The following WDPCP variants were observed in gnomAD, a reference collection of about 807,000 sequenced individuals.
WDPCP encodes WD repeat-containing and planar cell polarity effector protein fritz homolog.
In WDPCP, 71 loss-of-function variants were observed where a neutral mutation model predicts 93.1. That is an observed-to-expected ratio of 0.76 (90% CI 0.63 to 0.93). The LOEUF is 0.93. WDPCP is among the 40% of genes least tolerant of loss of function. The pLI is 0.00. For synonymous variants in WDPCP, 315 were observed against 315.0 expected (o/e 1.00, Z 0.00); for missense variants, 844 against 887.4 (o/e 0.95, Z 0.62).
intron 2 of WDPCP, among the ~76,000 whole-genome samples, chr2:63,654,993 C>A (rs567173864): frequency 6.6e-6 from 1 of 152,254 alleles, no homozygotes; most frequent in African/African-American, 2.4e-5. Flanking sequence ...AATATTCAGC[C>A]CCATTCTAGT....
intron 2 of WDPCP, among the ~76,000 whole-genome samples, chr2:63,808,690 T>C (rs1670809918): frequency 6.6e-6 from 1 of 152,172 alleles, no homozygotes; most frequent in Admixed American, 6.5e-5. Flanking sequence ...CTCGGCTCGC[T>C]ACAACCTCCA....
intron 2 of WDPCP, among the ~76,000 whole-genome samples, chr2:63,789,947 T>G (rs146465922): frequency 6.6e-6 from 1 of 152,210 alleles, no homozygotes; most frequent in Admixed American, 6.5e-5. Context: ...TGAATTAGCA[T>G]GTGAATTGTG....
intron 14 of WDPCP, among the ~76,000 whole-genome samples, chr2:63,186,169 A>G (rs1169466409): frequency 6.6e-6 from 1 of 152,322 alleles, no homozygotes; most frequent in Admixed American, 6.5e-5. Flanking sequence ...CACTCAGGAA[A>G]GTCAGTGCAG....
intron 14 of WDPCP, among the ~76,000 whole-genome samples, chr2:63,227,628 C>T (rs1242422857): frequency 6.6e-6 from 1 of 152,008 alleles, no homozygotes; most frequent in Non-Finnish European, 1.5e-5. Context: ...TGTAGTCAAA[C>T]AGGCATGGTT....
At chr2:63,830,718 G>A (rs553287084), upstream of WDPCP, among the ~76,000 whole-genome samples, 126 of 152,152 alleles carry the variant, frequency 8.3e-4, 1 homozygote, top group South Asian at 0.025. Context: ...TATAGCACAC[G>A]TTATCCTGGT....
At chr2:63,453,448 G>A (rs953663889) in intron 6 of WDPCP, among the ~76,000 whole-genome samples, 4 of 152,146 alleles carry the variant, frequency 2.6e-5, no homozygotes, top group African/African-American at 4.8e-5. Context: ...GAAACAACAG[G>A]TGCTGGAGAG....
intron 2 of WDPCP, among the ~76,000 whole-genome samples, chr2:63,651,386 T>C (rs1710107670): frequency 6.6e-6 from 1 of 152,102 alleles, no homozygotes; most frequent in Admixed American, 6.6e-5. Flanking sequence ...GGTCTAGAGA[T>C]GTCAGAAAAG....
intron 1 of WDPCP, among the ~76,000 whole-genome samples, chr2:63,496,055 T>C (rs555269752): frequency 6.6e-6 from 1 of 152,268 alleles, no homozygotes; most frequent in South Asian, 2.1e-4. Flanking sequence ...TAGACTATAC[T>C]AGAAAAATAA....
At chr2:63,546,667 A>G (rs80331315) in intron 1 of WDPCP, among the ~76,000 whole-genome samples, 5,009 of 152,270 alleles carry the variant, frequency 0.033, 115 homozygotes, top group Middle Eastern at 0.1. Flanking sequence ...TAAGCAAACA[A>G]AGTTCCTCTT....
intron 16 of WDPCP, 50 bp from the exon 17 acceptor site, chr2:63,152,995 C>A (rs775371596): frequency 9.0e-6 from 14 of 1,549,304 alleles, no homozygotes; most frequent in Non-Finnish European, 1.2e-5. Context: ...TAATAATGGA[C>A]CTTAAGAAAA....
At chr2:63,534,282 C>A (rs12713495) in intron 1 of WDPCP, among the ~76,000 whole-genome samples, 119,274 of 152,174 alleles carry the variant, frequency 0.78, 47,164 homozygotes, top group East Asian at 0.99. Context: ...ACCAGAGGTA[C>A]AAAGAGGAGC....
At chr2:63,274,830 A>G (rs1199190509) in intron 13 of WDPCP, among the ~76,000 whole-genome samples, 1 of 152,196 alleles carries the variant, frequency 6.6e-6, no homozygotes, top group Non-Finnish European at 1.5e-5. Context: ...AACTCTCCCA[A>G]CAAAGAAAAG....
At chr2:63,514,442 C>T (rs1176050958) in intron 1 of WDPCP, among the ~76,000 whole-genome samples, 1 of 152,064 alleles carries the variant, frequency 6.6e-6, no homozygotes, top group East Asian at 1.9e-4. Flanking sequence ...ACATGGGTTG[C>T]ACCATTGATA....
At chr2:63,572,542 A>C (rs1480285500) in intron 1 of WDPCP, among the ~76,000 whole-genome samples, 2 of 151,626 alleles carry the variant, frequency 1.3e-5, no homozygotes, top group South Asian at 4.2e-4. Context: ...ATCTCTACTA[A>C]AAATACAAAA....
intron 3 of WDPCP, chr2:63,622,519 G>A (rs1709754691): frequency 1.2e-6 from 2 of 1,613,852 alleles, no homozygotes; most frequent in Non-Finnish European, 8.5e-7. Flanking sequence ...ACCACCATCA[G>A]CCGGGCGTGG....
intron 9 of WDPCP, among the ~76,000 whole-genome samples, chr2:63,420,891 G>A (rs1695810826): frequency 6.6e-6 from 1 of 152,120 alleles, no homozygotes; most frequent in African/African-American, 2.4e-5. Flanking sequence ...AGGCATTTAA[G>A]TTGTTTCTAA....
intron 9 of WDPCP, among the ~76,000 whole-genome samples, chr2:63,416,920 C>T (rs762153872): frequency 6.6e-6 from 1 of 152,128 alleles, no homozygotes; most frequent in African/African-American, 2.4e-5. Flanking sequence ...CAACACCGTA[C>T]AGTTAAAAAG....
At chr2:63,717,993 T>C (rs1399794010) in intron 2 of WDPCP, 2 of 152,634 alleles carry the variant, frequency 1.3e-5, no homozygotes, top group African/African-American at 4.8e-5. Context: ...TTAGGAGGCC[T>C]TTGAAAACTT....
chr2:63,316,309 G>T (rs1260583457), intron 12 of WDPCP, among the ~76,000 whole-genome samples: 1 of 152,054 alleles, frequency 6.6e-6, no homozygotes, highest in Non-Finnish European at 1.5e-5. Context: ...TATCAGGCAG[G>T]AGATATAAAA....
Sources: allele counts gnomAD v4.1 joint callset (sites outside exome capture counted in the v4.1 genomes callset), GRCh38; gene constraint gnomAD v4.1.1; transcripts MANE v1.5; gene names NCBI Gene and HGNC (gene_info 2026-07-23, HGNC 2026-07-21).